FNDC1: variants seen among roughly 807,000 people sequenced by gnomAD.
The protein encoded by FNDC1 is fibronectin type III domain containing 1, also known as fibronectin type III domain-containing protein 1.
Under a neutral mutation model 168.0 loss-of-function variants are expected in FNDC1, and 96 were observed. The ratio of observed to expected loss-of-function variants is 0.57; its 90% CI spans 0.48 to 0.68. The LOEUF is 0.68. Among genes scored for constraint, FNDC1 ranks in the 30% least tolerant of loss-of-function variants. The pLI, the probability that FNDC1 is intolerant of heterozygous loss-of-function variation, is 0.00. For synonymous variants in FNDC1, 1,099 were observed against 1,025.9 expected (o/e 1.07, Z -1.36); for missense variants, 2,587 against 2,482.1 (o/e 1.04, Z -0.90).
rs151065745 is a variant in FNDC1, at chr6:159,261,435, C to T, written c.5254+166C>T. ...TCATTTGCTTTGTGCTAGGTTAAAA[C>T]TTGGATAATAAAATTAAAAGTAGTT... On this transcript the variant is annotated intron_variant, in intron 19 of 22. Transcript: ENST00000297267. Among the ~76,000 whole-genome samples the T allele has an allele frequency of 1.1e-3, 160 of 152,234 alleles. 2 individuals carry two copies. In the East Asian group the frequency reaches 0.025, roughly 24 times the overall value.
intron 17 of FNDC1, 81 bp from the exon 18 acceptor site, chr6:159,256,442 A>G: frequency 9.8e-7 from 1 of 1,020,520 alleles, no homozygotes. Context: ...GCTTTGCCTC[A>G]CACCTGTCCT....
chr6:159,192,814 C>G (rs1014835803), intron 1 of FNDC1, among the ~76,000 whole-genome samples: 16 of 152,078 alleles, frequency 1.1e-4, no homozygotes, highest in Non-Finnish European at 1.6e-4. Flanking sequence ...TTCTTGGAGC[C>G]CAGGACAGCT....
intron 13 of FNDC1, among the ~76,000 whole-genome samples, 161 bp from the exon 14 acceptor site, chr6:159,239,356 A>T (rs1783347584): frequency 6.6e-6 from 1 of 152,246 alleles, no homozygotes; most frequent in Non-Finnish European, 1.5e-5. Context: ...GAGTTATCTC[A>T]GGATCGTGGA....
chr6:159,237,211 G>A (rs971530621), intron 12 of FNDC1, among the ~76,000 whole-genome samples: 2 of 152,200 alleles, frequency 1.3e-5, no homozygotes, highest in Admixed American at 1.3e-4. Context: ...TCAAAATAGA[G>A]TTTATATAAA....
chr6:159,197,864 G>A (rs1461127722), intron 2 of FNDC1, among the ~76,000 whole-genome samples: 1 of 152,226 alleles, frequency 6.6e-6, no homozygotes, highest in Non-Finnish European at 1.5e-5. Flanking sequence ...TTTCCAAACT[G>A]ATGCAGCAGA....
intron 4 of FNDC1, among the ~76,000 whole-genome samples, chr6:159,212,877 G>A (rs1222992628): frequency 6.6e-6 from 1 of 152,178 alleles, no homozygotes; most frequent in African/African-American, 2.4e-5. Flanking sequence ...TAAATGAAAG[G>A]GGCATCATGG....
At chr6:159,218,931 C>A (rs922698028) in intron 5 of FNDC1, among the ~76,000 whole-genome samples, 3 of 152,048 alleles carry the variant, frequency 2.0e-5, no homozygotes, top group Non-Finnish European at 4.4e-5. Flanking sequence ...ATTTGTGCCA[C>A]GTCCATTACA....
chr6:159,230,516 G>A (rs557864192), intron 10 of FNDC1, among the ~76,000 whole-genome samples: 1 of 152,274 alleles, frequency 6.6e-6, no homozygotes, highest in South Asian at 2.1e-4. Context: ...AAACCTGCAC[G>A]TGCAGCCCCT....
At chr6:159,218,628 C>A (rs426819) in intron 5 of FNDC1, 1 of 151,966 alleles carries the variant, frequency 6.6e-6, no homozygotes, top group Admixed American at 6.5e-5. Context: ...TGTTAAGGAA[C>A]CTTGAGGGGT....
intron 1 of FNDC1, among the ~76,000 whole-genome samples, chr6:159,172,399 A>G (rs1781681472): frequency 6.6e-6 from 1 of 152,252 alleles, no homozygotes; most frequent in Admixed American, 6.5e-5. Flanking sequence ...TAGTAAAATA[A>G]CTGCTATTAT....
intron 15 of FNDC1, among the ~76,000 whole-genome samples, 192 bp from the exon 16 acceptor site, chr6:159,248,847 T>C (rs1777192834): frequency 6.6e-6 from 1 of 152,170 alleles, no homozygotes; most frequent in Non-Finnish European, 1.5e-5. Context: ...GGGACAGAAA[T>C]GGGAAGAAAT....
At chr6:159,191,023 T>C (rs1782126256) in intron 1 of FNDC1, among the ~76,000 whole-genome samples, 1 of 152,150 alleles carries the variant, frequency 6.6e-6, no homozygotes, top group South Asian at 2.1e-4. Flanking sequence ...CTCAGGAAAC[T>C]TACAAGCTTG....
At chr6:159,256,414 C>A (rs1049462127) in intron 17 of FNDC1, 109 bp from the exon 18 acceptor site, 2 of 768,870 alleles carry the variant, frequency 2.6e-6, no homozygotes, top group Non-Finnish European at 4.5e-6. Flanking sequence ...GTAGTTCCCA[C>A]ATGGAGCTGC....
chr6:159,226,757 G>A (rs771520919), intron 9 of FNDC1, among the ~76,000 whole-genome samples, 177 bp downstream of exon 9: 2 of 152,212 alleles, frequency 1.3e-5, no homozygotes, highest in Non-Finnish European at 2.9e-5. Flanking sequence ...AAGCAGTCAC[G>A]AAAGTGACTA....
rs527495223 is a variant in FNDC1 at position 159,264,969 on chromosome 6, C to T, written c.5255-6C>T. Reference sequence around the variant, plus strand: ...CAGAGTCCATTATTTCTTTTTCATTCTACAGATAATCCTCTGCTTGTTGTG... The same window carrying T: ...CAGAGTCCATTATTTCTTTTTCATTTTACAGATAATCCTCTGCTTGTTGTG... On this transcript the variant is annotated splice_region_variant and splice_polypyrimidine_tract_variant and intron_variant, in intron 19 of 22. Coordinates refer to ENST00000297267, the MANE Select transcript of FNDC1 (RefSeq NM_032532.3). 1.9e-6 allele frequency: 3 copies of T among 1,601,190 alleles called. No individual in the cohort carries two copies. Among genetic ancestry groups the T allele is most frequent in the South Asian group, 2.3e-5 (2 of 88,486 alleles).
At position 159,239,941 on chromosome 6, in the gene FNDC1, G is replaced by T. The variant is rs1241312483; in HGVS notation, c.4605G>T (p.Glu1535Asp). Residue 1535 changes from glutamate (E) to aspartate (D), a missense_variant, in exon 14 of 23, where the codon GAG (glutamate) becomes GAT (aspartate). Glu to Asp is a conservative substitution (Grantham distance 45). Coordinates refer to ENST00000297267, the MANE Select transcript of FNDC1 (RefSeq NM_032532.3). ...NLIMSSNGIPECYAEEDEFSG... is the reference protein window; with the variant it reads ...NLIMSSNGIPDCYAEEDEFSG... Reference sequence around the variant, plus strand: ...TAATGAGCTCCAATGGGATCCCAGAGTGCTACGCTGAAGAAGGTAACTGCC... The same window carrying T: ...TAATGAGCTCCAATGGGATCCCAGATTGCTACGCTGAAGAAGGTAACTGCC... 6.7e-7 allele frequency: 1 copy of T among 1,486,376 alleles called. No individual in the cohort carries two copies. The highest frequency in any genetic ancestry group is 2.3e-5 in the Admixed American group (1 of 42,784). 92.1% of individuals were successfully genotyped at this position (1,486,376 alleles called of 1,614,324 possible).
At chr6:159,245,463 A>G (rs1267238542) in intron 14 of FNDC1, among the ~76,000 whole-genome samples, 2 of 152,190 alleles carry the variant, frequency 1.3e-5, no homozygotes, top group African/African-American at 4.8e-5. Flanking sequence ...TTCAGGTCAA[A>G]GGGAGGAAAG....
intron 1 of FNDC1, among the ~76,000 whole-genome samples, chr6:159,175,608 T>G (rs1341325390): frequency 7.2e-5 from 11 of 152,350 alleles, no homozygotes; most frequent in Middle Eastern, 3.4e-3. Flanking sequence ...AAGGCTAAAC[T>G]TAAGACAAAG....
intron 4 of FNDC1, among the ~76,000 whole-genome samples, chr6:159,203,070 G>A (rs1205662222): frequency 6.6e-6 from 1 of 152,076 alleles, no homozygotes; most frequent in African/African-American, 2.4e-5. Context: ...TGCATCCTTG[G>A]TATCTGTGTG....
Sources: gnomAD v4.1 joint callset for allele counts (sites outside exome capture counted in the v4.1 genomes callset) on GRCh38, gnomAD v4.1.1 for gene constraint, MANE v1.5 for transcripts, NCBI Gene and HGNC (gene_info 2026-07-23, HGNC 2026-07-21) for gene names.